The following RNF168 variants were observed in gnomAD, a reference collection of about 807,000 sequenced individuals.
RNF168 encodes ring finger protein 168, also known as E3 ubiquitin-protein ligase RNF168.
Under a neutral mutation model 34.9 loss-of-function variants are expected in RNF168, and 34 were observed. That is an observed-to-expected ratio of 0.97 (90% confidence interval 0.74 to 1.30). The LOEUF (loss-of-function observed/expected upper bound fraction) is 1.30. RNF168 is among the 50% of genes most tolerant of loss of function. The pLI, the probability that RNF168 is intolerant of heterozygous loss-of-function variation, is 0.00. For synonymous variants in RNF168, 264 were observed against 254.7 expected, an observed-to-expected ratio of 1.04 and a Z score of -0.35; for missense variants, 725 against 682.5, an observed-to-expected ratio of 1.06 and a Z score of -0.69.
At chr3:196,474,159 A>C (rs1577508131) in intron 5 of RNF168, among the ~76,000 whole-genome samples, 2 of 125,898 alleles carry the variant, frequency 1.6e-5, no homozygotes, top group Admixed American at 9.6e-5. Context: ...GTGGAGTCTC[A>C]CTCTGTCATC....
chr3:196,491,847 T>C (rs1310547622), intron 1 of RNF168, among the ~76,000 whole-genome samples: 1 of 152,082 alleles, frequency 6.6e-6, no homozygotes, highest in African/African-American at 2.4e-5. Context: ...ACGATGGACC[T>C]TCAAGACACT....
rs1732961202 is a variant in RNF168, at chr3:196,503,599, G to T, written c.-426C>A. ...GACGCGGCTCCGGGAGGAAGCCCGGGCTCCGGCTGCAGCATAACTTCCGCT... is the reference window on the plus strand; with the variant it reads ...GACGCGGCTCCGGGAGGAAGCCCGGTCTCCGGCTGCAGCATAACTTCCGCT... On this transcript the variant is annotated 5_prime_UTR_variant, in exon 1 of 6. Transcript: ENST00000318037. The T allele has an allele frequency of 4.2e-6, 1 of 236,352 alleles. No individual in the cohort carries two copies. Among genetic ancestry groups the T allele is most frequent in the South Asian group, 4.5e-5 (1 of 22,126 alleles). The allele number at this position is 236,352 out of a possible 1,614,324, so 14.6% of individuals were successfully genotyped here. A position where few individuals can be genotyped will look rare whatever the true frequency, so the allele number is the denominator to read the frequency against.
Position 196,487,384 on chromosome 3 carries a change from C to T in RNF168, c.558+15G>A. 6.2e-7 allele frequency: 1 copy of T among 1,608,870 alleles called. No homozygotes were observed. Among genetic ancestry groups the T allele is most frequent in the Non-Finnish European group, 8.5e-7 (1 of 1,175,244 alleles). Reference sequence around the variant, plus strand: ...AAGGGATGACCATACCTTAGCGTTCCCTCCTAAAACTTACAATATCAATGC... The same window carrying T: ...AAGGGATGACCATACCTTAGCGTTCTCTCCTAAAACTTACAATATCAATGC... On this transcript the variant is annotated intron_variant, in intron 3 of 5. Transcript: ENST00000318037.
In RNF168 at chr3:196,471,566, G is replaced by T. The variant is rs780249766; in HGVS notation, c.*253C>A. 5.0e-5 allele frequency: 22 copies of T among 437,448 alleles called. No individual in the cohort carries two copies. The highest frequency in any genetic ancestry group is 7.9e-5 in the Non-Finnish European group (19 of 240,344). 27.1% of individuals were successfully genotyped at this position (437,448 alleles called of 1,614,324 possible). On this transcript the variant is annotated 3_prime_UTR_variant, in exon 6 of 6. Coordinates refer to ENST00000318037, the MANE Select transcript of RNF168 (RefSeq NM_152617.4). ...TTTCCTGGAGTTGGCCAAAGCTTAAGATATCTCTAAGAATTGTAAAGCTTA... is the reference window on the plus strand; with the variant it reads ...TTTCCTGGAGTTGGCCAAAGCTTAATATATCTCTAAGAATTGTAAAGCTTA...
At chr3:196,497,456 G>C (rs980111695) in intron 1 of RNF168, among the ~76,000 whole-genome samples, 1 of 152,124 alleles carries the variant, frequency 6.6e-6, no homozygotes, top group Non-Finnish European at 1.5e-5. Flanking sequence ...CGGATCACGA[G>C]GTCAGGACTT....
In RNF168 at chr3:196,502,916, C is replaced by A. The variant is rs759679308; in HGVS notation, c.258G>T (p.Arg86Ser). The A allele has an allele frequency of 2.5e-5, 40 of 1,613,976 alleles. No homozygotes were observed. The highest frequency in any genetic ancestry group is 3.3e-5 in the Non-Finnish European group (39 of 1,179,984). Reference sequence around the variant, plus strand: ...GGCCAGACGCTCTAAGCTTGCACTCCCTGGGATAGTGTTTTTGAATTATCG... The same window carrying A: ...GGCCAGACGCTCTAAGCTTGCACTCACTGGGATAGTGTTTTTGAATTATCG... ...LWTIIQKHYPRECKLRASGQE... is the reference protein window; with the variant it reads ...LWTIIQKHYPSECKLRASGQE... The change falls in exon 1 of 6, where the codon AGG becomes AGT. Residue 86 changes from arginine to serine, a missense_variant. Arg to Ser is a moderately radical substitution (Grantham distance 110, BLOSUM62 -1). Coordinates refer to ENST00000318037, the MANE Select transcript of RNF168 (RefSeq NM_152617.4).
At chr3:196,479,691 A>C (rs1199372665) in intron 4 of RNF168, among the ~76,000 whole-genome samples, 1 of 151,608 alleles carries the variant, frequency 6.6e-6, no homozygotes, top group Non-Finnish European at 1.5e-5. Flanking sequence ...CCCAGGTTCA[A>C]GCAATTCTCC....
At chr3:196,481,872 T>C (rs185357553) in intron 4 of RNF168, among the ~76,000 whole-genome samples, 1 of 151,674 alleles carries the variant, frequency 6.6e-6, no homozygotes, top group East Asian at 1.9e-4. Context: ...CAGGCTGGTC[T>C]TGAACTCCTC....
At chr3:196,492,670 C>G (rs1242083758) in intron 1 of RNF168, among the ~76,000 whole-genome samples, 2 of 151,944 alleles carry the variant, frequency 1.3e-5, no homozygotes, top group Non-Finnish European at 2.9e-5. Flanking sequence ...CCCAGCTACT[C>G]AAGAGGCTGA....
At position 196,485,812 on chromosome 3, in the gene RNF168, A is replaced by G. The variant is rs1732409574; in HGVS notation, c.558+1587T>C. 4.6e-5 allele frequency among the ~76,000 whole-genome samples: 7 copies of G among 152,232 alleles called. No homozygotes were observed. The South Asian group carries it at 8.3e-4, about 18-fold the overall frequency. Reference sequence around the variant, plus strand: ...TTTTTATTCTATTGAACTTCCCATGATTCAATGGTAAGTGTATGTTAAGAT... The same window carrying G: ...TTTTTATTCTATTGAACTTCCCATGGTTCAATGGTAAGTGTATGTTAAGAT... On this transcript the variant is annotated intron_variant, in intron 3 of 5. Transcript: ENST00000318037.
chr3:196,469,255 T>C lies in RNF168; in HGVS notation c.*2564A>G, dbSNP rs1187823596. Reference sequence around the variant, plus strand: ...TGATCTTAGCCTGTCTCAGACAAATTTGGTTTATTTATTTTTACTTAACGA... The same window carrying C: ...TGATCTTAGCCTGTCTCAGACAAATCTGGTTTATTTATTTTTACTTAACGA... On this transcript the variant is annotated 3_prime_UTR_variant, in exon 6 of 6. Coordinates refer to ENST00000318037, the MANE Select transcript of RNF168 (RefSeq NM_152617.4). 2.6e-5 allele frequency: 4 copies of C among 152,302 alleles called. No individual in the cohort carries two copies. The highest frequency in any genetic ancestry group is 1.9e-4 in the East Asian group (1 of 5,188). 9.4% of individuals were successfully genotyped at this position (152,302 alleles called of 1,614,324 possible). A position where few individuals can be genotyped will look rare whatever the true frequency, so the allele number is the denominator to read the frequency against.
chr3:196,503,679 G>A lies in RNF168; in HGVS notation c.-506C>T. ...TCCCGTGTTCACCTTTCGGGCGCCT[G>A]GCGCAGTTTCCCAGAGCTCCGCGCC... On this transcript the variant is annotated 5_prime_UTR_variant, in exon 1 of 6. Transcript: ENST00000318037. The A allele has an allele frequency of 5.1e-6, 1 of 194,536 alleles. No individual in the cohort carries two copies. Among genetic ancestry groups the A allele is most frequent in the East Asian group, 1.4e-4 (1 of 7,324 alleles). 12.1% of individuals were successfully genotyped at this position (194,536 alleles called of 1,614,324 possible).
chr3:196,491,138 C>G (rs1255453894), intron 1 of RNF168, among the ~76,000 whole-genome samples: 1 of 151,972 alleles, frequency 6.6e-6, no homozygotes, highest in Non-Finnish European at 1.5e-5. Flanking sequence ...TATGGTGAAA[C>G]CCCGTCTATA....
chr3:196,502,955 G>C lies in RNF168; in HGVS notation c.219C>G (p.Asn73Lys), dbSNP rs374073484. Reference protein sequence around the residue: ...RYHTRRNSLVNVELWTIIQKH... With the variant: ...RYHTRRNSLVKVELWTIIQKH... ...TTTGAATTATCGTCCACAGTTCCACGTTGACGAGAGAATTTCTTCGGGTAT... is the reference window on the plus strand; with the variant it reads ...TTTGAATTATCGTCCACAGTTCCACCTTGACGAGAGAATTTCTTCGGGTAT... Residue 73 changes from asparagine to lysine, a missense_variant, in exon 1 of 6, where the codon AAC becomes AAG. Transcript: ENST00000318037. The C allele has an allele frequency of 1.9e-5, 31 of 1,613,882 alleles. No homozygotes were observed. The highest frequency in any genetic ancestry group is 1.8e-5 in the Non-Finnish European group (21 of 1,179,914).
chr3:196,486,354 C>CA (rs1050050483), intron 3 of RNF168, among the ~76,000 whole-genome samples: 2 of 148,378 alleles, frequency 1.3e-5, no homozygotes, highest in Non-Finnish European at 3.0e-5. Flanking sequence ...AGAAAAAAAG[C>CA]TTTTTTTTTT....
rs746133414 is a variant in RNF168, at chr3:196,487,456, C to T, written c.501G>A (p.Ala167=). The T allele has an allele frequency of 3.3e-5, 53 of 1,614,074 alleles. No homozygotes were observed. Among genetic ancestry groups the T allele is most frequent in the South Asian group, 1.2e-4 (11 of 91,094 alleles). Residue 167 remains alanine (A), a synonymous_variant, in exon 3 of 6, where the codon GCG becomes GCA. Transcript: ENST00000318037. ...CATCACTTTTCAGTTGTTCTTCCAT[C>T]GCTCTTCGCCTTTTTTCTGCCTGTC... ...EKRQAEKRRR[A]MEEQLKSDEE... is the part of the protein sequence containing the mutation.
chr3:196,477,998 C>T (rs1383890084), intron 4 of RNF168, among the ~76,000 whole-genome samples: 5 of 152,158 alleles, frequency 3.3e-5, no homozygotes, highest in African/African-American at 9.7e-5. Context: ...GTGGGAGGAT[C>T]GCTTGAGCCC....
intron 3 of RNF168, among the ~76,000 whole-genome samples, chr3:196,485,108 C>T (rs1732391303): frequency 6.6e-6 from 1 of 152,112 alleles, no homozygotes; most frequent in African/African-American, 2.4e-5. Flanking sequence ...CAAATATTTA[C>T]TTGCTGTACC....
Position 196,472,355 on chromosome 3 carries a change from A to G in RNF168, c.1180T>C (p.Ser394Pro). ...CATGGATCCTTGACTGCTTCAAAGGAAGATTCTTGGTTTTTTCTTTTGGAA... is the reference window on the plus strand; with the variant it reads ...CATGGATCCTTGACTGCTTCAAAGGGAGATTCTTGGTTTTTTCTTTTGGAA... ...EISKRKNQES[S>P]FEAVKDPCFS... The change falls in exon 6 of 6, where the codon TCC becomes CCC. Residue 394 changes from serine (S) to proline (P), a missense_variant. Physicochemically the swap from Ser to Pro is moderately conservative, Grantham distance 74 (BLOSUM62 -1). Coordinates refer to ENST00000318037, the MANE Select transcript of RNF168 (RefSeq NM_152617.4). 1 of 1,614,018 alleles carries G rather than the reference A, an allele frequency of 6.2e-7. No homozygotes were observed. The highest frequency in any genetic ancestry group is 8.5e-7 in the Non-Finnish European group (1 of 1,179,980).
Sources: gnomAD v4.1 joint callset for allele counts (sites outside exome capture counted in the v4.1 genomes callset) on GRCh38, gnomAD v4.1.1 for gene constraint, MANE v1.5 for transcripts, NCBI Gene and HGNC (gene_info 2026-07-23, HGNC 2026-07-21) for gene names.